CTNND2: variants seen among roughly 807,000 people sequenced by gnomAD.
CTNND2 encodes catenin delta-2.
Under a neutral mutation model 144.4 loss-of-function variants are expected in CTNND2, and 22 were observed. That is an observed-to-expected ratio of 0.15 (90% CI 0.11 to 0.22). CTNND2 has a LOEUF of 0.22. CTNND2 is among the 10% of genes least tolerant of loss of function. CTNND2 has a pLI of 1.00. For synonymous variants in CTNND2, 751 were observed against 695.6 expected, an observed-to-expected ratio of 1.08 and a Z score of -1.25; for missense variants, 1,353 against 1,618.8, an observed-to-expected ratio of 0.84 and a Z score of 2.82.
intron 8 of CTNND2, among the ~76,000 whole-genome samples, chr5:11,357,006 C>T (rs992845621): frequency 1.3e-5 from 2 of 151,942 alleles, no homozygotes; most frequent in Admixed American, 6.6e-5. Flanking sequence ...GTTAGAATGG[C>T]TATTGTCAAA....
chr5:11,414,910 T>C (rs1033769326), intron 3 of CTNND2, among the ~76,000 whole-genome samples: 3 of 152,228 alleles, frequency 2.0e-5, no homozygotes, highest in Non-Finnish European at 4.4e-5. Flanking sequence ...CCTATCCATG[T>C]TCCTGCAAAG....
chr5:11,885,418 C>T (rs762746185), intron 1 of CTNND2, among the ~76,000 whole-genome samples: 1 of 152,076 alleles, frequency 6.6e-6, no homozygotes. Flanking sequence ...AAAGAGAATA[C>T]ACTTTGAGTC....
chr5:11,033,583 C>A (rs1400782231), intron 16 of CTNND2, among the ~76,000 whole-genome samples: 2 of 152,162 alleles, frequency 1.3e-5, no homozygotes, highest in African/African-American at 4.8e-5. Flanking sequence ...ATAATCCCAG[C>A]ACTTTGGGAG....
chr5:11,527,494 G>A (rs1773361838), intron 3 of CTNND2, among the ~76,000 whole-genome samples: 1 of 152,060 alleles, frequency 6.6e-6, no homozygotes, highest in Non-Finnish European at 1.5e-5. Context: ...CCACCTCTAG[G>A]CAGAACTCAG....
chr5:11,431,981 G>T (rs1046495262), intron 3 of CTNND2, among the ~76,000 whole-genome samples: 18 of 152,200 alleles, frequency 1.2e-4, no homozygotes, highest in Admixed American at 1.0e-3. Flanking sequence ...TTGAAGAAAA[G>T]ATACTTGTAG....
At chr5:11,521,248 C>T (rs77232553) in intron 3 of CTNND2, among the ~76,000 whole-genome samples, 3,756 of 152,266 alleles carry the variant, frequency 0.025, 163 homozygotes, top group African/African-American at 0.086. Flanking sequence ...TCTCCCCCAG[C>T]GATCACAAAG....
At chr5:11,269,340 G>C (rs1285025390) in intron 9 of CTNND2, among the ~76,000 whole-genome samples, 1 of 152,118 alleles carries the variant, frequency 6.6e-6, no homozygotes, top group African/African-American at 2.4e-5. Context: ...TGGGGCCCTT[G>C]ATCTGCAAAA....
At chr5:11,883,137 C>A (rs59816282) in intron 1 of CTNND2, among the ~76,000 whole-genome samples, 1 of 152,020 alleles carries the variant, frequency 6.6e-6, no homozygotes, top group Non-Finnish European at 1.5e-5. Context: ...AAAAATGCTA[C>A]GATTTTTTTA....
chr5:11,693,927 G>A (rs1157401273), intron 2 of CTNND2, among the ~76,000 whole-genome samples: 1 of 152,148 alleles, frequency 6.6e-6, no homozygotes, highest in African/African-American at 2.4e-5. Flanking sequence ...TTTTATGGAT[G>A]TTTCTCTTTG....
At chr5:11,232,184 T>C (rs1332571104) in intron 10 of CTNND2, among the ~76,000 whole-genome samples, 2 of 152,170 alleles carry the variant, frequency 1.3e-5, no homozygotes, top group East Asian at 3.9e-4. Context: ...GCTAGTGCAG[T>C]GAGGAAGAGA....
chr5:11,675,296 C>G (rs761052384), intron 2 of CTNND2, among the ~76,000 whole-genome samples: 2 of 152,090 alleles, frequency 1.3e-5, no homozygotes, highest in Non-Finnish European at 2.9e-5. Flanking sequence ...CTGTTTTAAC[C>G]GTGATACCCA....
At chr5:11,371,050 C>G (rs900170960) in intron 7 of CTNND2, among the ~76,000 whole-genome samples, 1 of 152,126 alleles carries the variant, frequency 6.6e-6, no homozygotes, top group Non-Finnish European at 1.5e-5. Flanking sequence ...AAGGGTGGGG[C>G]CTGGACTAGA....
chr5:10,981,174 G>A (rs534489368), intron 21 of CTNND2, among the ~76,000 whole-genome samples: 12 of 152,328 alleles, frequency 7.9e-5, no homozygotes, highest in African/African-American at 2.9e-4. Flanking sequence ...TTAGGGTTAG[G>A]AGCCAGAGAA....
chr5:11,793,205 T>C (rs1791229056), intron 1 of CTNND2, among the ~76,000 whole-genome samples: 1 of 152,168 alleles, frequency 6.6e-6, no homozygotes, highest in African/African-American at 2.4e-5. Flanking sequence ...GCCCAACAGG[T>C]GGATCTTTCC....
In CTNND2 at chr5:11,380,479, G is replaced by A. The variant is rs544066850; in HGVS notation, c.1177+4186C>T. Among the ~76,000 whole-genome samples the A allele has an allele frequency of 1.6e-4, 24 of 152,282 alleles. No homozygotes were observed. In the East Asian group the frequency reaches 2.1e-3, roughly 13 times the overall value. On this transcript the variant is annotated intron_variant, in intron 7 of 21. Coordinates refer to ENST00000304623, the MANE Select transcript of CTNND2 (RefSeq NM_001332.4). The stretch of plus-strand genomic sequence containing the variant: ...TTTTATCAGGGAATAATTTTAAGCC[G>A]GTGAGCAATGAGCCTACCAGCCTTA...
chr5:11,726,462 T>C (rs1191163675), intron 2 of CTNND2, among the ~76,000 whole-genome samples: 1 of 152,194 alleles, frequency 6.6e-6, no homozygotes, highest in African/African-American at 2.4e-5. Context: ...CCTCTGTTTG[T>C]GGTGAATTTT....
chr5:11,849,352 T>C (rs976737418), intron 1 of CTNND2, among the ~76,000 whole-genome samples: 2 of 152,050 alleles, frequency 1.3e-5, no homozygotes, highest in African/African-American at 4.8e-5. Context: ...CAAGATGAGA[T>C]TTGGGTAGGG....
chr5:11,667,805 A>T (rs1289669774), intron 2 of CTNND2, among the ~76,000 whole-genome samples: 1 of 152,126 alleles, frequency 6.6e-6, no homozygotes, highest in Non-Finnish European at 1.5e-5. Flanking sequence ...TTTTGTTGCC[A>T]CTGCTTTTAG....
At chr5:11,830,676 G>A (rs994748092) in intron 1 of CTNND2, among the ~76,000 whole-genome samples, 6 of 152,078 alleles carry the variant, frequency 3.9e-5, no homozygotes, top group Non-Finnish European at 5.9e-5. Context: ...CGGACTCCAC[G>A]CAGATCTCCC....
Sources: allele counts gnomAD v4.1 joint callset (sites outside exome capture counted in the v4.1 genomes callset), GRCh38; gene constraint gnomAD v4.1.1; transcripts MANE v1.5; gene names NCBI Gene and HGNC (gene_info 2026-07-23, HGNC 2026-07-21).